SNTG1: variants seen among roughly 807,000 people sequenced by gnomAD.
The protein encoded by SNTG1 is syntrophin gamma 1.
In SNTG1, 39 loss-of-function variants were observed where a neutral mutation model predicts 74.7. The ratio of observed to expected loss-of-function variants is 0.52; its 90% CI spans 0.40 to 0.68. The LOEUF is 0.68. Ranked by LOEUF, SNTG1 falls within the 30% of genes least tolerant of loss-of-function variation. SNTG1 has a pLI of 0.00. For synonymous variants in SNTG1, 254 were observed against 217.1 expected, an observed-to-expected ratio of 1.17 and a Z score of -1.49; for missense variants, 685 against 609.5, an observed-to-expected ratio of 1.12 and a Z score of -1.30.
intron 1 of SNTG1, among the ~76,000 whole-genome samples, chr8:50,113,093 G>A (rs1362079941): frequency 6.6e-6 from 1 of 152,058 alleles, no homozygotes; most frequent in African/African-American, 2.4e-5. Flanking sequence ...CTCTTTTTTG[G>A]TTCCATATGA....
chr8:50,374,084 C>A (rs566462266), intron 2 of SNTG1, among the ~76,000 whole-genome samples: 1 of 152,252 alleles, frequency 6.6e-6, no homozygotes, highest in South Asian at 2.1e-4. Context: ...GTTAGAAGAC[C>A]TATTTTGATG....
intron 1 of SNTG1, among the ~76,000 whole-genome samples, chr8:50,078,755 C>T (rs990368479): frequency 6.6e-6 from 1 of 152,142 alleles, no homozygotes; most frequent in Non-Finnish European, 1.5e-5. Flanking sequence ...ATATTCCCTT[C>T]CCTGTGTCCA....
chr8:50,626,310 A>G (rs1474482759), intron 13 of SNTG1, among the ~76,000 whole-genome samples: 2 of 152,198 alleles, frequency 1.3e-5, no homozygotes, highest in Non-Finnish European at 2.9e-5. Context: ...CAGAAGTGCA[A>G]GTGGAGATTC....
intron 2 of SNTG1, among the ~76,000 whole-genome samples, chr8:50,301,433 C>A (rs2089639928): frequency 1.3e-5 from 2 of 152,004 alleles, no homozygotes; most frequent in South Asian, 4.1e-4. Flanking sequence ...ATGTCTATCT[C>A]TTTATTGACA....
rs549240945 is a variant in SNTG1 at position 50,632,918 on chromosome 8, C to T, written c.850-23991C>T. On this transcript the variant is annotated intron_variant, in intron 13 of 18. Transcript: ENST00000642720. Reference sequence around the variant, plus strand: ...AAGAATACCGTGTCTTCTACCAGTACCTATAAACCTGTGTTAAGCTAACAT... The same window carrying T: ...AAGAATACCGTGTCTTCTACCAGTATCTATAAACCTGTGTTAAGCTAACAT... Among the ~76,000 whole-genome samples the T allele has an allele frequency of 5.9e-5, 9 of 152,244 alleles. No homozygotes were observed. In the South Asian group the frequency reaches 1.5e-3, roughly 25 times the overall value.
chr8:50,703,914 A>G (rs1286454031), intron 15 of SNTG1, among the ~76,000 whole-genome samples: 1 of 152,142 alleles, frequency 6.6e-6, no homozygotes, highest in African/African-American at 2.4e-5. Context: ...GCTATATCTG[A>G]CATGTTGCAT....
At chr8:50,533,813 A>G (rs371241226) in intron 10 of SNTG1, among the ~76,000 whole-genome samples, 1 of 152,188 alleles carries the variant, frequency 6.6e-6, no homozygotes, top group South Asian at 2.1e-4. Context: ...TCAAATCAAG[A>G]TGCCACAAGA....
intron 1 of SNTG1, among the ~76,000 whole-genome samples, chr8:50,105,529 C>T (rs1262440304): frequency 9.2e-5 from 14 of 151,628 alleles, no homozygotes; most frequent in African/African-American, 2.7e-4. Flanking sequence ...GCTCTTTGGG[C>T]TCTTTTTTGT....
At chr8:50,548,880 G>T (rs996521) in intron 11 of SNTG1, among the ~76,000 whole-genome samples, 54,613 of 152,042 alleles carry the variant, frequency 0.36, 12,077 homozygotes, top group African/African-American at 0.63. Context: ...AAGTCCAGTC[G>T]ATAGTCTTCA....
chr8:50,602,257 C>T (rs112649428), intron 13 of SNTG1, among the ~76,000 whole-genome samples: 3 of 149,746 alleles, frequency 2.0e-5, no homozygotes, highest in African/African-American at 5.1e-5. Flanking sequence ...GATTTAAATT[C>T]TTTTTTATAT....
At chr8:50,580,143 T>G (rs2094600972) in intron 12 of SNTG1, among the ~76,000 whole-genome samples, 2 of 152,240 alleles carry the variant, frequency 1.3e-5, no homozygotes, top group South Asian at 4.1e-4. Context: ...AGGAGATCAT[T>G]TTCGAACCTT....
intron 12 of SNTG1, among the ~76,000 whole-genome samples, chr8:50,570,988 C>T (rs529679141): frequency 6.6e-6 from 1 of 152,126 alleles, no homozygotes; most frequent in East Asian, 1.9e-4. Context: ...AGCGTACAAG[C>T]GTTCCCCTTT....
intron 10 of SNTG1, among the ~76,000 whole-genome samples, chr8:50,531,172 T>C (rs928258846): frequency 1.9e-4 from 29 of 152,170 alleles, no homozygotes; most frequent in Non-Finnish European, 3.7e-4. Context: ...ATTTCCCTAG[T>C]ATTACTCCTC....
intron 1 of SNTG1, among the ~76,000 whole-genome samples, chr8:50,102,508 T>G (rs1166097126): frequency 8.0e-4 from 116 of 144,860 alleles, no homozygotes; most frequent in African/African-American, 2.8e-3. Context: ...ATTTTGTAGG[T>G]TGCCTGTTCA....
chr8:50,097,648 T>C (rs996293889), intron 1 of SNTG1, among the ~76,000 whole-genome samples: 2 of 150,006 alleles, frequency 1.3e-5, no homozygotes, highest in Admixed American at 1.3e-4. Context: ...TGAGACTCCG[T>C]CTCAAAAAAA....
intron 2 of SNTG1, among the ~76,000 whole-genome samples, chr8:50,218,568 TA>T (rs1244217954): frequency 6.6e-6 from 1 of 152,088 alleles, no homozygotes; most frequent in Non-Finnish European, 1.5e-5. Context: ...TTTTTTTCAG[TA>T]TAGTGAATGG....
At chr8:50,623,576 C>T (rs2094937219) in intron 13 of SNTG1, among the ~76,000 whole-genome samples, 2 of 152,164 alleles carry the variant, frequency 1.3e-5, no homozygotes, top group African/African-American at 2.4e-5. Flanking sequence ...TTCTACCCCA[C>T]AAAAACATTT....
At chr8:50,450,380 A>G (rs1006605322) in intron 6 of SNTG1, among the ~76,000 whole-genome samples, 176 bp from the exon 7 acceptor site, 1 of 152,242 alleles carries the variant, frequency 6.6e-6, no homozygotes, top group Non-Finnish European at 1.5e-5. Context: ...TGCTTCAGTA[A>G]TTAGACTGAG....
chr8:49,919,069 C>T (rs1360918822), intron 1 of SNTG1, among the ~76,000 whole-genome samples: 1 of 152,098 alleles, frequency 6.6e-6, no homozygotes, highest in African/African-American at 2.4e-5. Flanking sequence ...TCTGTTCTCA[C>T]TGTCTTTCTC....
Sources: gnomAD v4.1 joint callset for allele counts (sites outside exome capture counted in the v4.1 genomes callset) on GRCh38, gnomAD v4.1.1 for gene constraint, MANE v1.5 for transcripts, NCBI Gene and HGNC (gene_info 2026-07-23, HGNC 2026-07-21) for gene names.